SNX25: variants seen among roughly 807,000 people sequenced by gnomAD.
SNX25 encodes sorting nexin-25.
A neutral mutation model predicts 113.7 loss-of-function variants in SNX25; 62 were observed. The ratio of observed to expected loss-of-function variants is 0.55; its 90% CI spans 0.44 to 0.67. The LOEUF (loss-of-function observed/expected upper bound fraction) is 0.67. Ranked by LOEUF, SNX25 falls within the 30% of genes least tolerant of loss-of-function variation. The pLI is 0.00. For missense variants in SNX25, 1,014 were observed against 1,161.0 expected (o/e 0.87, Z 1.84); for synonymous variants, 421 against 436.2 (o/e 0.97, Z 0.43).
At chr4:185,323,870 T>G in intron 9 of SNX25, 70 bp downstream of exon 9, 13 of 1,535,340 alleles carry the variant, frequency 8.5e-6, no homozygotes, top group Non-Finnish European at 1.1e-5. Flanking sequence ...TGGGTGCATA[T>G]TGTGTGAGCC....
At chr4:185,223,602 A>G (rs995531904) in intron 1 of SNX25, among the ~76,000 whole-genome samples, 1 of 152,150 alleles carries the variant, frequency 6.6e-6, no homozygotes, top group Non-Finnish European at 1.5e-5. Context: ...AACACGGTGA[A>G]ACCCTGTCTC....
At chr4:185,311,123 C>G (rs965308976) in intron 7 of SNX25, among the ~76,000 whole-genome samples, 1 of 152,148 alleles carries the variant, frequency 6.6e-6, no homozygotes, top group Non-Finnish European at 1.5e-5. Context: ...AGACTCCAAT[C>G]AAGTTTCCCA....
intron 7 of SNX25, among the ~76,000 whole-genome samples, chr4:185,312,350 GCTAC>G (rs1413281871): frequency 6.6e-6 from 1 of 152,124 alleles, no homozygotes; most frequent in African/African-American, 2.4e-5. Context: ...ATAATGGCTT[GCTAC>G]CTAGTCAAAA....
chr4:185,370,677 G>T (rs2095411692), downstream of SNX25: 5 of 1,613,870 alleles, frequency 3.1e-6, no homozygotes, highest in Non-Finnish European at 4.2e-6. Flanking sequence ...TTCATCCCTG[G>T]TGATGCCCAA....
intron 7 of SNX25, among the ~76,000 whole-genome samples, chr4:185,311,592 G>A (rs888861146): frequency 1.3e-5 from 2 of 152,170 alleles, no homozygotes; most frequent in African/African-American, 2.4e-5. Context: ...GCAGATGCCA[G>A]ACTCCTCTCT....
chr4:185,251,598 CGTGTGTGTGTGTGTGTGTGTGT>C (rs71593618), intron 2 of SNX25, among the ~76,000 whole-genome samples: 9 of 147,270 alleles, frequency 6.1e-5, no homozygotes, highest in African/African-American at 2.0e-4. Context: ...TATTCCATTG[CGTGTGTGTGTGTGTGTGTGTGT>C]GTGTGTGTGT....
intron 5 of SNX25, among the ~76,000 whole-genome samples, chr4:185,281,246 C>T (rs879717760): frequency 2.6e-5 from 4 of 152,044 alleles, no homozygotes; most frequent in Non-Finnish European, 5.9e-5. Context: ...AACATGTATA[C>T]GTACCATTTC....
In SNX25 at chr4:185,209,735, A is replaced by G. The variant is rs1737440762; in HGVS notation, c.-92A>G. ...CCGCTCCCTCGGTGGGCCGCGGGCG[A>G]GGCATGAGCGCGGGCTCCCCCTGCC... On this transcript the variant is annotated 5_prime_UTR_variant, in exon 1 of 19. Coordinates refer to ENST00000652585, the MANE Select transcript of SNX25 (RefSeq NM_001378034.2). This position sits in a 1 kb window ranked among gnomAD's most constrained non-coding sequence, Gnocchi z 5.2. 1 of 983,378 alleles carries G rather than the reference A, an allele frequency of 1.0e-6. No individual in the cohort carries two copies. Among genetic ancestry groups the G allele is most frequent in the Non-Finnish European group, 1.2e-6 (1 of 829,204 alleles). 60.9% of individuals were successfully genotyped at this position (983,378 alleles called of 1,614,324 possible). A position where few individuals can be genotyped will look rare whatever the true frequency, so the allele number is the denominator to read the frequency against.
At chr4:185,299,654 A>G (rs988282239) in intron 6 of SNX25, among the ~76,000 whole-genome samples, 1 of 152,216 alleles carries the variant, frequency 6.6e-6, no homozygotes, top group Non-Finnish European at 1.5e-5. Context: ...AGAACTAGAC[A>G]GAACAGCTAG....
chr4:185,245,317 C>CT (rs1744695210), intron 1 of SNX25, among the ~76,000 whole-genome samples: 1 of 151,614 alleles, frequency 6.6e-6, no homozygotes, highest in African/African-American at 2.4e-5. Context: ...ATAGTCTCTC[C>CT]TTTAAGAAAA....
In SNX25 at chr4:185,257,540, C is replaced by T. The variant is rs183939833; in HGVS notation, c.515-1308C>T. 1.2e-4 allele frequency among the ~76,000 whole-genome samples: 19 copies of T among 152,108 alleles called. No individual in the cohort carries two copies. The South Asian group carries it at 1.5e-3, about 12-fold the overall frequency. On this transcript the variant is annotated intron_variant, in intron 2 of 18. Transcript: ENST00000652585. ...AAAGCAAAGTATTTTATTTCAAAAACGTGAGTTTTAAATATTGATTACATT... is the reference window on the plus strand; with the variant it reads ...AAAGCAAAGTATTTTATTTCAAAAATGTGAGTTTTAAATATTGATTACATT...
At chr4:185,279,270 A>G (rs1431478819) in intron 5 of SNX25, among the ~76,000 whole-genome samples, 1 of 152,124 alleles carries the variant, frequency 6.6e-6, no homozygotes, top group Non-Finnish European at 1.5e-5. Context: ...GATGTGACTC[A>G]AATAGTGTTG....
chr4:185,262,668 A>G (rs1327950603), intron 3 of SNX25, among the ~76,000 whole-genome samples: 2 of 152,228 alleles, frequency 1.3e-5, no homozygotes, highest in African/African-American at 4.8e-5. Context: ...ACACGTGATG[A>G]TGTCTACTTT....
intron 2 of SNX25, among the ~76,000 whole-genome samples, chr4:185,254,046 G>A (rs189009863): frequency 2.0e-5 from 3 of 152,270 alleles, no homozygotes; most frequent in East Asian, 1.9e-4. Flanking sequence ...AAGGCCCACC[G>A]TATGGCTGTT....
chr4:185,263,808 A>G (rs1445513708), intron 3 of SNX25, among the ~76,000 whole-genome samples: 1 of 152,162 alleles, frequency 6.6e-6, no homozygotes, highest in Admixed American at 6.6e-5. Context: ...ATGGGAAGGG[A>G]AGTATAGAAA....
chr4:185,343,274 G>A (rs76977564), intron 12 of SNX25, among the ~76,000 whole-genome samples: 2,124 of 152,288 alleles, frequency 0.014, 51 homozygotes, highest in African/African-American at 0.049. Flanking sequence ...TTATGGGGTT[G>A]TTATGAGAAT....
At chr4:185,333,945 A>C (rs2095213361) in intron 10 of SNX25, among the ~76,000 whole-genome samples, 1 of 151,028 alleles carries the variant, frequency 6.6e-6, no homozygotes, top group South Asian at 2.1e-4. Context: ...GCTACTAGGT[A>C]GGCTGAGAAA....
chr4:185,262,396 A>C (rs1392123402), intron 3 of SNX25, among the ~76,000 whole-genome samples: 1 of 152,188 alleles, frequency 6.6e-6, no homozygotes, highest in Non-Finnish European at 1.5e-5. Flanking sequence ...AGCATCTTTA[A>C]TTTCATAGTT....
At chr4:185,288,129 T>C (rs1256657767) in intron 6 of SNX25, 47 bp downstream of exon 6, 11 of 1,508,202 alleles carry the variant, frequency 7.3e-6, no homozygotes, top group Non-Finnish European at 1.0e-5. Context: ...AAAGGTCAGC[T>C]TGATCCCCGG....
Sources: gnomAD v4.1 joint callset for allele counts (sites outside exome capture counted in the v4.1 genomes callset) on GRCh38, gnomAD v4.1.1 for gene constraint, Gnocchi (gnomAD v3.1) non-coding constraint, MANE v1.5 for transcripts, NCBI Gene and HGNC (gene_info 2026-07-23, HGNC 2026-07-21) for gene names.